ADAM12: variants seen among roughly 807,000 people sequenced by gnomAD.
ADAM12 encodes the protein disintegrin and metalloproteinase domain-containing protein 12.
Under a neutral mutation model 106.4 loss-of-function variants are expected in ADAM12, and 70 were observed. The ratio of observed to expected loss-of-function variants is 0.66; its 90% CI spans 0.54 to 0.80. The LOEUF (loss-of-function observed/expected upper bound fraction) is 0.80, where lower values mean the gene tolerates loss of function less well. ADAM12 is among the 30% of genes least tolerant of loss of function. The pLI is 0.00. For missense variants in ADAM12, 1,010 were observed against 1,171.9 expected (o/e 0.86, Z 2.02); for synonymous variants, 420 against 433.5 (o/e 0.97, Z 0.39).
intron 3 of ADAM12, among the ~76,000 whole-genome samples, chr10:126,193,543 G>C (rs1174475228): frequency 6.6e-6 from 1 of 152,132 alleles, no homozygotes; most frequent in African/African-American, 2.4e-5. Flanking sequence ...CCCAGAGAAG[G>C]GGTAGATTCT....
intron 3 of ADAM12, among the ~76,000 whole-genome samples, chr10:126,201,697 A>G (rs908735556): frequency 6.6e-6 from 1 of 152,192 alleles, no homozygotes; most frequent in African/African-American, 2.4e-5. Context: ...AGTGGTGGTG[A>G]CAAGGAACAG....
In ADAM12 at chr10:126,014,237, C is replaced by A. The variant is rs915908765; in HGVS notation, c.*3042G>T. The A allele has an allele frequency of 3.3e-5, 5 of 150,402 alleles. No homozygotes were observed. Among genetic ancestry groups the A allele is most frequent in the Non-Finnish European group, 7.4e-5 (5 of 67,906 alleles). 9.3% of individuals were successfully genotyped at this position (150,402 alleles called of 1,614,324 possible). On this transcript the variant is annotated 3_prime_UTR_variant, in exon 23 of 23. Transcript: ENST00000448723. Reference sequence around the variant, plus strand: ...CAGGAGGATGCTCAGCCCTGCCAGTCGGCCCAGCACCAGGCTCTTTTTAGC... The same window carrying A: ...CAGGAGGATGCTCAGCCCTGCCAGTAGGCCCAGCACCAGGCTCTTTTTAGC...
Position 126,300,740 on chromosome 10 carries a change from C to G in ADAM12, c.187-21752G>C, listed in dbSNP as rs146408745. On this transcript the variant is annotated intron_variant, in intron 2 of 22. Coordinates refer to ENST00000448723, the MANE Select transcript of ADAM12 (RefSeq NM_001288973.2). ...CCCTACTGGAGAATAAAATCCTGCA[C>G]AGAAAAATTAATGTAACCTTTAAAA... 7.9e-3 allele frequency among the ~76,000 whole-genome samples: 1,197 copies of G among 152,114 alleles called. 13 individuals carry two copies. The highest frequency in any genetic ancestry group is 0.028 in the African/African-American group (1,142 of 41,476).
rs1954219559 is a variant in ADAM12 at position 126,043,075 on chromosome 10, C to T, written c.2069G>A (p.Gly690Glu). 1.2e-6 allele frequency: 2 copies of T among 1,614,066 alleles called. No individual in the cohort carries two copies. The highest frequency in any genetic ancestry group is 1.3e-5 in the African/African-American group (1 of 74,942). ...APPFCDKFGF[G>E]GSTDSGPIRQ... is the part of the protein sequence containing the mutation. Reference sequence around the variant, plus strand: ...GATGGGGCCGCTGTCTGTGCTTCCTCCAAAGCCAAACTTGTCACAGAAGGG... The same window carrying T: ...GATGGGGCCGCTGTCTGTGCTTCCTTCAAAGCCAAACTTGTCACAGAAGGG... Residue 690 changes from glycine (G) to glutamate (E), a missense_variant, in exon 18 of 23, where the codon GGA (glycine) becomes GAA (glutamate). Gly to Glu is a moderately conservative substitution (Grantham distance 98, BLOSUM62 -2). Around this residue, in one of 3 missense-constraint regions of ADAM12, gnomAD observed 615 missense variants for 708.5 expected, o/e 0.87. Coordinates refer to ENST00000448723, the MANE Select transcript of ADAM12 (RefSeq NM_001288973.2). The surrounding 1 kb of genome is among the most constrained non-coding windows in gnomAD (Gnocchi z 4.1).
chr10:126,207,759 T>C (rs1472283850), intron 3 of ADAM12, among the ~76,000 whole-genome samples: 1 of 152,220 alleles, frequency 6.6e-6, no homozygotes, highest in African/African-American at 2.4e-5. Flanking sequence ...ATTTAAATGG[T>C]TGCTCGAACA....
Position 126,121,124 on chromosome 10 carries a change from ATATATAC to A in ADAM12, c.417-2907_417-2901del, listed in dbSNP as rs372131594. 4.9e-4 allele frequency among the ~76,000 whole-genome samples: 30 copies of A among 60,654 alleles called. 1 individual carries two copies. Among genetic ancestry groups the A allele is most frequent in the African/African-American group, 1.1e-3 (15 of 14,096 alleles). 39.8% of individuals were successfully genotyped at this position (60,654 alleles called of 152,430 possible). On this transcript the variant is annotated intron_variant, in intron 5 of 22. Coordinates refer to ENST00000448723, the MANE Select transcript of ADAM12 (RefSeq NM_001288973.2). ...ATATTATATATAGTATATATATAGTATATATACTATATACTATATATACTATATATAC... is the reference window on the plus strand; with the variant it reads ...ATATTATATATAGTATATATATAGTATATATACTATATATACTATATATAC...
intron 3 of ADAM12, among the ~76,000 whole-genome samples, chr10:126,257,547 A>C (rs1467860906): frequency 6.6e-6 from 1 of 152,246 alleles, no homozygotes. Flanking sequence ...ATTTAAAAGA[A>C]AAACATTTTA....
At chr10:126,082,604 C>T (rs1174679692) in intron 11 of ADAM12, among the ~76,000 whole-genome samples, 1 of 152,026 alleles carries the variant, frequency 6.6e-6, no homozygotes, top group African/African-American at 2.4e-5. Context: ...CTCCTGACCT[C>T]GGGTGATCCA....
chr10:126,027,414 A>AG (rs1554958463), intron 21 of ADAM12, among the ~76,000 whole-genome samples: 1 of 139,674 alleles, frequency 7.2e-6, no homozygotes, highest in African/African-American at 2.5e-5. Context: ...CCTGGGAGAG[A>AG]TAAAAAAAAA....
chr10:126,181,442 T>C (rs895276971), intron 3 of ADAM12, among the ~76,000 whole-genome samples: 2 of 152,232 alleles, frequency 1.3e-5, no homozygotes, highest in Non-Finnish European at 2.9e-5. Flanking sequence ...GATAGTTTTA[T>C]AGTTATACTG....
At chr10:126,243,489 A>ATGTGTATG (rs1705442908) in intron 3 of ADAM12, among the ~76,000 whole-genome samples, 2 of 146,842 alleles carry the variant, frequency 1.4e-5, no homozygotes. Context: ...GTGTGAGTGT[A>ATGTGTATG]TGTGTGTGTG....
intron 3 of ADAM12, among the ~76,000 whole-genome samples, chr10:126,182,523 A>G (rs1042875246): frequency 6.6e-6 from 1 of 152,212 alleles, no homozygotes; most frequent in Admixed American, 6.5e-5. Context: ...AAAAGACGTA[A>G]AAGCATGAAA....
Position 126,118,218 on chromosome 10 carries a change from A to G in ADAM12, c.423T>C (p.Leu141=). The change falls in exon 6 of 23, where the codon CTT becomes CTC. Residue 141 remains leucine, a synonymous_variant. Coordinates refer to ENST00000448723, the MANE Select transcript of ADAM12 (RefSeq NM_001288973.2). Reference sequence around the variant, plus strand: ...CATAGCTTTCATTTTCAAACACAATAAGTCCCCTGTTGAAAAAGAAACAAG... The same window carrying G: ...CATAGCTTTCATTTTCAAACACAATGAGTCCCCTGTTGAAAAAGAAACAAG... ...SLSTCSGLRG[L]IVFENESYVL... is the part of the protein sequence containing the mutation. 6.2e-7 allele frequency: 1 copy of G among 1,612,224 alleles called. No homozygotes were observed. The highest frequency in any genetic ancestry group is 8.5e-7 in the Non-Finnish European group (1 of 1,178,594).
chr10:126,336,676 A>G (rs1854710830), intron 1 of ADAM12, among the ~76,000 whole-genome samples: 1 of 152,194 alleles, frequency 6.6e-6, no homozygotes, highest in African/African-American at 2.4e-5. Flanking sequence ...AGAAAAGTTA[A>G]AGGGAGAAAC....
At chr10:126,070,975 G>A (rs1377282196) in intron 12 of ADAM12, among the ~76,000 whole-genome samples, 2 of 152,186 alleles carry the variant, frequency 1.3e-5, no homozygotes, top group Admixed American at 1.3e-4. Flanking sequence ...GCTTCTGAAA[G>A]CTACAAGCTC....
intron 3 of ADAM12, among the ~76,000 whole-genome samples, chr10:126,247,266 C>T (rs1958648909): frequency 6.6e-6 from 1 of 152,136 alleles, no homozygotes; most frequent in South Asian, 2.1e-4. Flanking sequence ...AACATTGCTG[C>T]CTTTAGAGAG....
chr10:126,029,960 T>TA (rs1209402533), intron 21 of ADAM12, among the ~76,000 whole-genome samples: 1 of 152,200 alleles, frequency 6.6e-6, no homozygotes, highest in Non-Finnish European at 1.5e-5. Flanking sequence ...TCTAAATGCA[T>TA]ATGACTTTTG....
chr10:126,059,693 T>C lies in ADAM12; in HGVS notation c.1609+5113A>G, dbSNP rs189662902. Among the ~76,000 whole-genome samples, 260 of 152,250 alleles carry C rather than the reference T, an allele frequency of 1.7e-3. 1 individual carries two copies. In the East Asian group the frequency reaches 0.03, roughly 18 times the overall value. On this transcript the variant is annotated intron_variant, in intron 14 of 22. Transcript: ENST00000448723. ...CAGCTCACACTGCAGAAACCAAACA[T>C]TGCATTCTGGTGAGTGATAAAATAG...
At chr10:126,210,295 A>C (rs768596409) in intron 3 of ADAM12, among the ~76,000 whole-genome samples, 5 of 152,262 alleles carry the variant, frequency 3.3e-5, no homozygotes, top group Admixed American at 6.5e-5. Context: ...TGGTCATTCT[A>C]TAAATGTTAT....
Sources: gnomAD v4.1 joint callset for allele counts (sites outside exome capture counted in the v4.1 genomes callset) on GRCh38, gnomAD v4.1.1 for gene constraint, gnomAD v4.1.1 regional missense constraint, Gnocchi (gnomAD v3.1) non-coding constraint, MANE v1.5 for transcripts, NCBI Gene and HGNC (gene_info 2026-07-23, HGNC 2026-07-21) for gene names.